ZNF264: variants seen among roughly 807,000 people sequenced by gnomAD.
ZNF264 encodes zinc finger protein 264.
ZNF264 carries 11 observed loss-of-function variants against 11.2 expected under a neutral mutation model. The observed-to-expected ratio is 0.98, with a 90% confidence interval of 0.62 to 1.63. ZNF264 has a LOEUF of 1.63. Ranked by LOEUF, ZNF264 falls within the 40% of genes most tolerant of loss-of-function variation. ZNF264 has a pLI of 0.00. For synonymous variants in ZNF264, 309 were observed against 279.8 expected (o/e 1.10, Z -1.04); for missense variants, 752 against 768.1 (o/e 0.98, Z 0.25).
At chr19:57,194,458 G>A (rs1357015089) in intron 2 of ZNF264, among the ~76,000 whole-genome samples, 1 of 152,116 alleles carries the variant, frequency 6.6e-6, no homozygotes, top group African/African-American at 2.4e-5. Flanking sequence ...TATATAAAAA[G>A]GACAGTTTAT....
In ZNF264 at chr19:57,215,751, A is replaced by G. The variant is rs1192324324; in HGVS notation, c.*2770A>G. The G allele has an allele frequency of 6.6e-6, 1 of 152,086 alleles. No homozygotes were observed. Among genetic ancestry groups the G allele is most frequent in the African/African-American group, 2.4e-5 (1 of 41,418 alleles). The allele number at this position is 152,086 out of a possible 1,614,324, so 9.4% of individuals were successfully genotyped here. ...TAATTCTAATAGTTTTTATTTTTTGAGACATTCTCTCTTAGCCATGAATTA... is the reference window on the plus strand; with the variant it reads ...TAATTCTAATAGTTTTTATTTTTTGGGACATTCTCTCTTAGCCATGAATTA... On this transcript the variant is annotated 3_prime_UTR_variant, in exon 4 of 4. Transcript: ENST00000263095.
chr19:57,201,637 C>A (rs2087254309), intron 2 of ZNF264, among the ~76,000 whole-genome samples: 1 of 151,922 alleles, frequency 6.6e-6, no homozygotes, highest in Non-Finnish European at 1.5e-5. Context: ...ATCAGTCTGT[C>A]CCAGAACGGT....
At chr19:57,201,875 C>G (rs745317155) in intron 2 of ZNF264, among the ~76,000 whole-genome samples, 13 of 151,794 alleles carry the variant, frequency 8.6e-5, no homozygotes, top group Non-Finnish European at 1.8e-4. Flanking sequence ...TCAGCCTTCC[C>G]ATGAGCGCAG....
At chr19:57,200,002 T>TA (rs1348663360) in intron 2 of ZNF264, among the ~76,000 whole-genome samples, 3,456 of 89,734 alleles carry the variant, frequency 0.039, 84 homozygotes, top group Admixed American at 0.1. Context: ...CCTCCACTCC[T>TA]AAAAAAAAAA....
chr19:57,204,667 G>A (rs956627520), intron 2 of ZNF264, among the ~76,000 whole-genome samples: 3 of 152,096 alleles, frequency 2.0e-5, no homozygotes, highest in African/African-American at 4.8e-5. Flanking sequence ...TATTAGCAGC[G>A]TGAGAACAGA....
chr19:57,211,752 G>T lies in ZNF264; in HGVS notation c.655G>T (p.Ala219Ser), dbSNP rs1330197734. 6.2e-7 allele frequency: 1 copy of T among 1,614,160 alleles called. No homozygotes were observed. The highest frequency in any genetic ancestry group is 1.1e-5 in the South Asian group (1 of 91,088). ...GKVFNKKHLL[A>S]GHEKIHSGVK... The stretch of plus-strand genomic sequence containing the variant: ...AGTATTTAACAAGAAACACCTCCTT[G>T]CTGGACATGAGAAAATTCACTCTGG... Residue 219 changes from alanine (A) to serine (S), a missense_variant, in exon 4 of 4, where the codon GCT becomes TCT. By Grantham distance (99) the Ala-to-Ser change is moderately conservative. Transcript: ENST00000263095.
intron 2 of ZNF264, among the ~76,000 whole-genome samples, chr19:57,196,321 G>C (rs561495232): frequency 6.6e-6 from 1 of 151,958 alleles, no homozygotes; most frequent in African/African-American, 2.4e-5. Context: ...GAAGCACTGC[G>C]TGCAGGATAA....
At chr19:57,203,962 A>C (rs2087271999) in intron 2 of ZNF264, among the ~76,000 whole-genome samples, 1 of 152,292 alleles carries the variant, frequency 6.6e-6, no homozygotes, top group African/African-American at 2.4e-5. Context: ...CGAGGTGAGC[A>C]GATCATGAGG....
intron 1 of ZNF264, chr19:57,192,529 C>T: frequency 2.0e-6 from 2 of 985,376 alleles, no homozygotes; most frequent in Non-Finnish European, 2.4e-6. Flanking sequence ...GCGTCAGAGA[C>T]AAGTTCTGTC....
Position 57,222,570 on chromosome 19 carries a change from TACACACAC to T in ZNF264, c.*9599_*9606del, listed in dbSNP as rs3833290. 1.3e-5 allele frequency: 2 copies of T among 149,612 alleles called. No homozygotes were observed. The highest frequency in any genetic ancestry group is 4.9e-5 in the African/African-American group (2 of 40,564). 9.3% of individuals were successfully genotyped at this position (149,612 alleles called of 1,614,324 possible). On this transcript the variant is annotated 3_prime_UTR_variant, in exon 4 of 4. Coordinates refer to ENST00000263095, the MANE Select transcript of ZNF264 (RefSeq NM_003417.5). ...TGTGTACATATGGACCACTTCAAGC[TACACACAC>T]ACACACACATATACACGTGTATGAA...
In ZNF264 at chr19:57,211,442, A is replaced by G. The variant is rs2087334428; in HGVS notation, c.345A>G (p.Gln115=). The G allele has an allele frequency of 6.2e-7, 1 of 1,614,168 alleles. No individual in the cohort carries two copies. Among genetic ancestry groups the G allele is most frequent in the Non-Finnish European group, 8.5e-7 (1 of 1,180,030 alleles). ...EGISLQGQVT[Q]GNSVDSQLGQ... is the part of the protein sequence containing the mutation. The stretch of plus-strand genomic sequence containing the variant: ...TCTCACTTCAGGGACAAGTGACACA[A>G]GGAAACTCAGTGGACTCACAGTTGG... Residue 115 remains glutamine (Q), a synonymous_variant, in exon 4 of 4, where the codon CAA becomes CAG. Transcript: ENST00000263095.
chr19:57,192,186 C>T (rs1467992844), intron 1 of ZNF264, among the ~76,000 whole-genome samples: 1 of 152,072 alleles, frequency 6.6e-6, no homozygotes, highest in East Asian at 1.9e-4. Flanking sequence ...TCATCCTTGG[C>T]CTGCAAGCAT....
chr19:57,191,804 C>T lies in ZNF264; in HGVS notation c.-110C>T. ...CGTTGCCACCGAGGAGGCGGCGGCCCCGAGCGCGCCTGGAAGCCCCGGGCA... is the reference window on the plus strand; with the variant it reads ...CGTTGCCACCGAGGAGGCGGCGGCCTCGAGCGCGCCTGGAAGCCCCGGGCA... On this transcript the variant is annotated 5_prime_UTR_variant, in exon 1 of 4. Coordinates refer to ENST00000263095, the MANE Select transcript of ZNF264 (RefSeq NM_003417.5). 1.1e-6 allele frequency: 1 copy of T among 883,872 alleles called. No individual in the cohort carries two copies. The highest frequency in any genetic ancestry group is 1.5e-6 in the Non-Finnish European group (1 of 667,424). 54.8% of individuals were successfully genotyped at this position (883,872 alleles called of 1,614,324 possible). A position where few individuals can be genotyped will look rare whatever the true frequency, so the allele number is the denominator to read the frequency against.
At chr19:57,202,394 G>A (rs1298005916) in intron 2 of ZNF264, among the ~76,000 whole-genome samples, 1 of 151,940 alleles carries the variant, frequency 6.6e-6, no homozygotes, top group Non-Finnish European at 1.5e-5. Context: ...TTAACTGGGT[G>A]TGGTATTCTG....
intron 3 of ZNF264, 81 bp downstream of exon 3, chr19:57,205,573 G>A (rs2087286192): frequency 6.2e-6 from 8 of 1,289,662 alleles, no homozygotes; most frequent in Non-Finnish European, 8.8e-6. Flanking sequence ...AATCTCTTGG[G>A]AAGCTTCTCA....
Position 57,219,157 on chromosome 19 carries a change from C to CA in ZNF264, c.*6190dup, listed in dbSNP as rs879250174. 3.0e-3 allele frequency: 422 copies of CA among 139,378 alleles called. 1 individual carries two copies. Among genetic ancestry groups the CA allele is most frequent in the Middle Eastern group, 0.015 (4 of 274 alleles). 8.6% of individuals were successfully genotyped at this position (139,378 alleles called of 1,614,324 possible). On this transcript the variant is annotated 3_prime_UTR_variant, in exon 4 of 4. Coordinates refer to ENST00000263095, the MANE Select transcript of ZNF264 (RefSeq NM_003417.5). The stretch of plus-strand genomic sequence containing the variant: ...TGGGCAACAGAGCGAGACTCCATCT[C>CA]AAAAAAAAAAAAAATTCTCTAGCTC...
At chr19:57,207,630 G>T (rs1230689571) in intron 3 of ZNF264, among the ~76,000 whole-genome samples, 2 of 141,898 alleles carry the variant, frequency 1.4e-5, no homozygotes, top group Non-Finnish European at 3.0e-5. Context: ...TGCAGTCTCT[G>T]TGCCTCAGCC....
chr19:57,194,678 G>A lies in ZNF264; in HGVS notation c.160+677G>A, dbSNP rs545988834. 962 of 393,512 alleles carry A rather than the reference G, an allele frequency of 2.4e-3. 13 individuals are homozygous for A. The highest frequency in any genetic ancestry group is 0.016 in the African/African-American group (792 of 48,536). 24.4% of individuals were successfully genotyped at this position (393,512 alleles called of 1,614,324 possible). A position where few individuals can be genotyped will look rare whatever the true frequency, so the allele number is the denominator to read the frequency against. On this transcript the variant is annotated intron_variant, in intron 2 of 3. Transcript: ENST00000263095. ...TCTGCCTACTTTATATGCTGGCCTC[G>A]CTGGCAGCTGATTAGATGGTGCCCA... is the stretch of plus-strand genomic sequence containing the variant.
rs1212424818 is a variant in ZNF264 at position 57,222,050 on chromosome 19, C to T, written c.*9069C>T. On this transcript the variant is annotated 3_prime_UTR_variant, in exon 4 of 4. Transcript: ENST00000263095. ...AATGGTCATGACTTTGTGGTGAAGG[C>T]TTATGTAATGATTGTAATAAATTCA... 2 of 151,954 alleles carry T rather than the reference C, an allele frequency of 1.3e-5. No individual in the cohort carries two copies. Among genetic ancestry groups the T allele is most frequent in the Non-Finnish European group, 2.9e-5 (2 of 67,990 alleles). 9.4% of individuals were successfully genotyped at this position (151,954 alleles called of 1,614,324 possible). A position where few individuals can be genotyped will look rare whatever the true frequency, so the allele number is the denominator to read the frequency against.
Sources: gnomAD v4.1 joint callset for allele counts (sites outside exome capture counted in the v4.1 genomes callset) on GRCh38, gnomAD v4.1.1 for gene constraint, MANE v1.5 for transcripts, NCBI Gene and HGNC (gene_info 2026-07-23, HGNC 2026-07-21) for gene names.